Variants in HNRNPC observed in about 807,000 individuals in gnomAD.
HNRNPC encodes heterogeneous nuclear ribonucleoprotein C, also known as heterogeneous nuclear ribonucleoproteins C1/C2.
In HNRNPC, 3 loss-of-function variants were observed where a neutral mutation model predicts 33.2. The ratio of observed to expected loss-of-function variants is 0.09; its 90% CI spans 0.04 to 0.23. HNRNPC has a LOEUF of 0.23. Ranked by LOEUF, HNRNPC falls within the 10% of genes least tolerant of loss-of-function variation. The pLI is 1.00. For synonymous variants in HNRNPC, 121 were observed against 126.7 expected (o/e 0.96, Z 0.30); for missense variants, 143 against 366.7 (o/e 0.39, Z 4.98).
chr14:21,238,532 A>T (rs1463256571), intron 2 of HNRNPC, among the ~76,000 whole-genome samples: 1 of 152,170 alleles, frequency 6.6e-6, no homozygotes, highest in Non-Finnish European at 1.5e-5. Context: ...GGAAAAACTC[A>T]TTTAAGCCAA....
rs140668307 is a variant in HNRNPC at position 21,233,275 on chromosome 14, A to G, written c.241+678T>C. On this transcript the variant is annotated intron_variant, in intron 3 of 8. Transcript: ENST00000553300. The stretch of plus-strand genomic sequence containing the variant: ...TAACATTATCAAAGAATTGTTTCAC[A>G]TAACTCTAACCTACCATGCTTTGAG... Among the ~76,000 whole-genome samples the G allele has an allele frequency of 3.4e-3, 522 of 152,346 alleles. 5 individuals are homozygous for G. Among genetic ancestry groups the G allele is most frequent in the African/African-American group, 0.012 (491 of 41,576 alleles).
chr14:21,219,896 T>C (rs1040838575), intron 5 of HNRNPC, among the ~76,000 whole-genome samples: 11 of 152,192 alleles, frequency 7.2e-5, no homozygotes, highest in African/African-American at 2.7e-4. Context: ...ATTCCATAAT[T>C]CCAGTTGTCC....
rs761687803 is a variant in HNRNPC at position 21,230,942 on chromosome 14, T to C, written c.317+55A>G. ...CTGATGGACACAATGCAGTTATAAA[T>C]AATAAAGTTCCGGACCTGAGTAGAG... On this transcript the variant is annotated intron_variant, in intron 4 of 8. Transcript: ENST00000553300. The C allele has an allele frequency of 2.5e-6, 4 of 1,600,652 alleles. 1 individual carries two copies. In the South Asian group the frequency reaches 4.4e-5, roughly 18 times the overall value.
At chr14:21,256,679 T>C (rs1877273311) in intron 2 of HNRNPC, among the ~76,000 whole-genome samples, 2 of 152,018 alleles carry the variant, frequency 1.3e-5, no homozygotes, top group South Asian at 2.1e-4. Flanking sequence ...GATAGGGTCT[T>C]GCTCTGTCAC....
intron 5 of HNRNPC, among the ~76,000 whole-genome samples, chr14:21,215,793 G>C (rs1892089123): frequency 6.6e-6 from 1 of 151,834 alleles, no homozygotes; most frequent in Non-Finnish European, 1.5e-5. Context: ...AGCTACTCAG[G>C]AGGGCTGAGG....
At chr14:21,228,672 G>T (rs955722439) in intron 5 of HNRNPC, among the ~76,000 whole-genome samples, 4 of 152,046 alleles carry the variant, frequency 2.6e-5, no homozygotes, top group Non-Finnish European at 5.9e-5. Flanking sequence ...GATTACAGGT[G>T]TGAGCCACCG....
intron 5 of HNRNPC, among the ~76,000 whole-genome samples, chr14:21,225,381 G>A (rs989675857): frequency 1.6e-4 from 24 of 151,380 alleles, no homozygotes; most frequent in African/African-American, 5.1e-4. Context: ...GCAGTGAGCC[G>A]AGATCGAGCC....
chr14:21,251,098 G>A (rs1241520047), intron 2 of HNRNPC, among the ~76,000 whole-genome samples: 2 of 151,320 alleles, frequency 1.3e-5, no homozygotes, highest in African/African-American at 4.9e-5. Flanking sequence ...CATCTCTACT[G>A]AAAACACAAA....
rs112950869 is a variant in HNRNPC, at chr14:21,249,975, T to C, written c.-37+13336A>G. On this transcript the variant is annotated intron_variant, in intron 2 of 8. Transcript: ENST00000553300. ...TACTGAGAACTGAATCAAGAGAATA[T>C]GCAATATGCAAAAATAATAAAACAC... Among the ~76,000 whole-genome samples, 962 of 152,272 alleles carry C rather than the reference T, an allele frequency of 6.3e-3. 9 individuals are homozygous for C. Among genetic ancestry groups the C allele is most frequent in the Non-Finnish European group, 9.7e-3 (660 of 68,016 alleles).
rs1434263179 is a variant in HNRNPC, at chr14:21,209,806, C to G, written c.*1417G>C. 1 of 152,180 alleles carries G rather than the reference C, an allele frequency of 6.6e-6. No homozygotes were observed. Among genetic ancestry groups the G allele is most frequent in the Admixed American group, 6.5e-5 (1 of 15,276 alleles). The allele number at this position is 152,180 out of a possible 1,614,324, so 9.4% of individuals were successfully genotyped here. A position where few individuals can be genotyped will look rare whatever the true frequency, so the allele number is the denominator to read the frequency against. On this transcript the variant is annotated 3_prime_UTR_variant, in exon 9 of 9. Transcript: ENST00000553300. ...GGCATTTTCTGCTATGCTGGAAAAA[C>G]TGAAGTATAAAACACAAATGAACTA...
At chr14:21,248,963 G>A (rs1896308164) in intron 2 of HNRNPC, among the ~76,000 whole-genome samples, 1 of 152,202 alleles carries the variant, frequency 6.6e-6, no homozygotes, top group Admixed American at 6.5e-5. Context: ...CAATCCAATG[G>A]AATGCAATTT....
At chr14:21,214,965 G>A (rs962825513) in intron 5 of HNRNPC, among the ~76,000 whole-genome samples, 4 of 152,076 alleles carry the variant, frequency 2.6e-5, no homozygotes, top group African/African-American at 7.2e-5. Flanking sequence ...AACCTTCACC[G>A]GCACCCGTAT....
chr14:21,230,728 C>G, intron 4 of HNRNPC: 1 of 499,650 alleles, frequency 2.0e-6, no homozygotes, highest in East Asian at 3.1e-5. Flanking sequence ...TCAGGTTATG[C>G]TATAAATATC....
chr14:21,243,396 G>C lies in HNRNPC; in HGVS notation c.-36-9167C>G, dbSNP rs149831198. On this transcript the variant is annotated intron_variant, in intron 2 of 8. Coordinates refer to ENST00000553300, the MANE Select transcript of HNRNPC (RefSeq NM_004500.4). ...AAACATGGCAGTTGCTATCCGAAGA[G>C]TGGGGCTTACACAGGAATGGTTTAT... Among the ~76,000 whole-genome samples, 15 of 152,302 alleles carry C rather than the reference G, an allele frequency of 9.8e-5. No homozygotes were observed. In the East Asian group the frequency reaches 2.9e-3, roughly 29 times the overall value.
intron 2 of HNRNPC, among the ~76,000 whole-genome samples, chr14:21,246,900 T>C (rs1359684381): frequency 6.6e-6 from 1 of 152,210 alleles, no homozygotes; most frequent in Non-Finnish European, 1.5e-5. Context: ...CAATATATCT[T>C]CTGCTCCTTA....
chr14:21,246,566 CAAA>C (rs78962636), intron 2 of HNRNPC, among the ~76,000 whole-genome samples: 168 of 93,632 alleles, frequency 1.8e-3, no homozygotes, highest in African/African-American at 5.3e-3. Flanking sequence ...GACTCCGTCT[CAAA>C]AAAAAAAAAA....
At chr14:21,241,217 C>A (rs2139709393) in intron 2 of HNRNPC, among the ~76,000 whole-genome samples, 1 of 150,034 alleles carries the variant, frequency 6.7e-6, no homozygotes, top group East Asian at 2.0e-4. Context: ...CGAGATTGCA[C>A]CCCTGCACTC....
intron 2 of HNRNPC, among the ~76,000 whole-genome samples, chr14:21,237,740 TTTAGA>T (rs972036381): frequency 9.2e-5 from 14 of 152,166 alleles, no homozygotes; most frequent in African/African-American, 3.4e-4. Flanking sequence ...AGTACAATAG[TTTAGA>T]TAAGTAAAAC....
chr14:21,246,302 A>G (rs181449655), intron 2 of HNRNPC, among the ~76,000 whole-genome samples: 112 of 152,242 alleles, frequency 7.4e-4, no homozygotes, highest in Non-Finnish European at 1.2e-3. Context: ...GCTCATGCCT[A>G]TAATCCCAGC....
Sources: gnomAD v4.1 joint callset for allele counts (sites outside exome capture counted in the v4.1 genomes callset) on GRCh38, gnomAD v4.1.1 for gene constraint, MANE v1.5 for transcripts, NCBI Gene and HGNC (gene_info 2026-07-23, HGNC 2026-07-21) for gene names.